Variants in FBXO38 observed in about 807,000 individuals in gnomAD.
The protein encoded by FBXO38 is F-box protein 38.
FBXO38 carries 53 observed loss-of-function variants against 131.9 expected under a neutral mutation model. The observed-to-expected ratio is 0.40, with a 90% CI of 0.32 to 0.51. The LOEUF (loss-of-function observed/expected upper bound fraction) is 0.51, where lower values mean the gene tolerates loss of function less well. Ranked by LOEUF, FBXO38 falls within the 20% of genes least tolerant of loss-of-function variation. The probability of loss-of-function intolerance (pLI) is 0.53; values close to 1 mark genes in which losing one functional copy is unlikely to be tolerated. For synonymous variants in FBXO38, 452 were observed against 505.6 expected (o/e 0.89, Z 1.42); for missense variants, 1,076 against 1,475.6 (o/e 0.73, Z 4.44).
intron 8 of FBXO38, 39 bp from the exon 9 acceptor site, chr5:148,410,596 T>G: frequency 6.2e-7 from 1 of 1,608,746 alleles, no homozygotes; most frequent in South Asian, 1.1e-5. Context: ...TCTGATGGTT[T>G]TTGTTTTACT....
intron 3 of FBXO38, 92 bp downstream of exon 3, chr5:148,399,224 G>A (rs1032014364): frequency 9.0e-6 from 13 of 1,443,812 alleles, no homozygotes; most frequent in East Asian, 2.4e-5. Flanking sequence ...CTTGAGAAAG[G>A]CAATCTAAGT....
intron 8 of FBXO38, 159 bp from the exon 9 acceptor site, chr5:148,410,476 A>G: frequency 2.4e-6 from 2 of 832,450 alleles, no homozygotes; most frequent in Non-Finnish European, 1.9e-6. Flanking sequence ...CTCCCCAGCC[A>G]TGTGGAACTG....
intron 9 of FBXO38, among the ~76,000 whole-genome samples, chr5:148,413,051 G>A (rs1025718188): frequency 3.3e-5 from 5 of 152,044 alleles, no homozygotes; most frequent in Non-Finnish European, 7.4e-5. Flanking sequence ...GTCAGTTCAA[G>A]GTTTACCCTA....
chr5:148,426,620 A>G (rs905797955), intron 14 of FBXO38, among the ~76,000 whole-genome samples: 6 of 152,238 alleles, frequency 3.9e-5, no homozygotes, highest in Non-Finnish European at 8.8e-5. Context: ...TCTGTTGGCC[A>G]GACAAAACCT....
chr5:148,438,282 T>A (rs771403419), intron 17 of FBXO38, 50 bp from the exon 18 acceptor site: 4 of 1,555,142 alleles, frequency 2.6e-6, no homozygotes, highest in Non-Finnish European at 3.5e-6. Flanking sequence ...AATTAGGCCA[T>A]CTCTCCAAAG....
Position 148,427,212 on chromosome 5 carries a change from G to A in FBXO38, c.1919-1G>A. 1.3e-6 allele frequency: 2 copies of A among 1,576,336 alleles called. No homozygotes were observed. Among genetic ancestry groups the A allele is most frequent in the Non-Finnish European group, 1.7e-6 (2 of 1,161,540 alleles). Reference sequence around the variant, plus strand: ...GGCCGTTCTTCTTTTTCTATAAGCAGTAAGTGGAAAAGGCAAGACTCCACT... The same window carrying A: ...GGCCGTTCTTCTTTTTCTATAAGCAATAAGTGGAAAAGGCAAGACTCCACT... On this transcript the variant is annotated splice_acceptor_variant, in intron 14 of 21. Coordinates refer to ENST00000340253, the MANE Select transcript of FBXO38 (RefSeq NM_205836.3). LOFTEE classifies it high-confidence loss of function.
intron 2 of FBXO38, among the ~76,000 whole-genome samples, chr5:148,395,215 A>G (rs1378033640): frequency 6.6e-6 from 1 of 152,150 alleles, no homozygotes; most frequent in Admixed American, 6.5e-5. Flanking sequence ...ATTGGCTAAT[A>G]GATTTGTTGA....
intron 6 of FBXO38, among the ~76,000 whole-genome samples, 180 bp downstream of exon 6, chr5:148,405,002 G>A (rs1205037499): frequency 6.7e-6 from 1 of 148,738 alleles, no homozygotes; most frequent in Non-Finnish European, 1.5e-5. Context: ...AAGATGATTT[G>A]TGTTTGACCT....
intron 12 of FBXO38, 70 bp downstream of exon 12, chr5:148,417,274 C>G: frequency 8.9e-7 from 1 of 1,128,004 alleles, no homozygotes; most frequent in Admixed American, 1.9e-5. Context: ...TGGCTTTATC[C>G]TGTTCCCTTT....
At chr5:148,430,772 G>A (rs1374518312) in intron 15 of FBXO38, 1 of 152,102 alleles carries the variant, frequency 6.6e-6, no homozygotes, top group Non-Finnish European at 1.5e-5. Flanking sequence ...ATGGCCCTGT[G>A]GAGTGTTAAA....
In FBXO38 at chr5:148,426,671, A is replaced by G. The variant is rs190723009; in HGVS notation, c.1919-542A>G. Among the ~76,000 whole-genome samples, 368 of 152,330 alleles carry G rather than the reference A, an allele frequency of 2.4e-3. 4 individuals carry two copies. The highest frequency in any genetic ancestry group is 4.8e-3 in the Admixed American group (73 of 15,298). ...TCTTCATTGAGCCTTACTATGCCCCAGGTACTGTGTTAGGCACTGTGAGGG... is the reference window on the plus strand; with the variant it reads ...TCTTCATTGAGCCTTACTATGCCCCGGGTACTGTGTTAGGCACTGTGAGGG... On this transcript the variant is annotated intron_variant, in intron 14 of 21. Transcript: ENST00000340253.
At chr5:148,438,576 T>C in intron 18 of FBXO38, 78 bp downstream of exon 18, 1 of 1,489,730 alleles carries the variant, frequency 6.7e-7, no homozygotes, top group Non-Finnish European at 9.1e-7. Context: ...GTCTTTAGCC[T>C]TTTGGATTTG....
chr5:148,420,649 C>G (rs980078983), intron 12 of FBXO38, among the ~76,000 whole-genome samples: 3 of 152,152 alleles, frequency 2.0e-5, no homozygotes, highest in African/African-American at 4.8e-5. Flanking sequence ...ATTCCCTCAT[C>G]CCTCCACCCC....
At chr5:148,423,756 GT>G (rs1187006704) in intron 12 of FBXO38, 1 of 278,736 alleles carries the variant, frequency 3.6e-6, no homozygotes, top group African/African-American at 2.2e-5. Flanking sequence ...GTTTGTATGA[GT>G]TTGATGGGCT....
At chr5:148,441,063 T>C (rs1561550244) in intron 20 of FBXO38, 61 bp from the exon 21 acceptor site, 1 of 1,046,186 alleles carries the variant, frequency 9.6e-7, no homozygotes. Context: ...TACAAAATAC[T>C]GCAGAATTTG....
At chr5:148,406,107 T>G (rs1752430707) in intron 6 of FBXO38, 150 bp from the exon 7 acceptor site, 4 of 680,288 alleles carry the variant, frequency 5.9e-6, no homozygotes, top group Admixed American at 7.0e-5. Context: ...GGCTAACACT[T>G]TCATTTGTAA....
At chr5:148,410,934 T>G (rs919436952) in intron 9 of FBXO38, 169 bp downstream of exon 9, 55 of 600,218 alleles carry the variant, frequency 9.2e-5, no homozygotes, top group African/African-American at 9.1e-4. Flanking sequence ...TCAGTGATTT[T>G]TTTTTCCATA....
At chr5:148,398,694 TTTTC>T (rs1751965168) in intron 2 of FBXO38, among the ~76,000 whole-genome samples, 2 of 151,948 alleles carry the variant, frequency 1.3e-5, no homozygotes, top group South Asian at 2.1e-4. Flanking sequence ...TTTTTTCTTC[TTTTC>T]TTTGTTTTTC....
chr5:148,392,590 T>C (rs1337594585), intron 1 of FBXO38, among the ~76,000 whole-genome samples: 2 of 149,334 alleles, frequency 1.3e-5, no homozygotes, highest in Non-Finnish European at 3.0e-5. Flanking sequence ...TTTGTGTGTG[T>C]GTGTGTGTGT....
Sources: gnomAD v4.1 joint callset for allele counts (sites outside exome capture counted in the v4.1 genomes callset) on GRCh38, gnomAD v4.1.1 for gene constraint, MANE v1.5 for transcripts, NCBI Gene and HGNC (gene_info 2026-07-23, HGNC 2026-07-21) for gene names.